The following ZNF624 variants were observed in gnomAD, a reference collection of about 807,000 sequenced individuals.
ZNF624 encodes zinc finger protein 624.
In ZNF624, 43 loss-of-function variants were observed where a neutral mutation model predicts 74.7. The observed-to-expected ratio is 0.58, with a 90% CI of 0.45 to 0.74. The LOEUF (loss-of-function observed/expected upper bound fraction) is 0.74. Ranked by LOEUF, ZNF624 falls within the 30% of genes least tolerant of loss-of-function variation. ZNF624 has a pLI of 0.00. For synonymous variants in ZNF624, 331 were observed against 341.3 expected, an observed-to-expected ratio of 0.97 and a Z score of 0.33; for missense variants, 820 against 1,030.0, an observed-to-expected ratio of 0.80 and a Z score of 2.79.
At chr17:16,624,795 T>C (rs941218184) in intron 5 of ZNF624, 30 of 220,410 alleles carry the variant, frequency 1.4e-4, no homozygotes, top group Non-Finnish European at 2.0e-4. Flanking sequence ...GGTGAGAGAA[T>C]TGCTTGAGCT....
At chr17:16,649,586 G>A (rs1048379636) in intron 2 of ZNF624, 72 bp downstream of exon 2, 12 of 1,392,302 alleles carry the variant, frequency 8.6e-6, no homozygotes, top group South Asian at 2.3e-5. Context: ...TAGAGAAGTC[G>A]CAAGCCTTCA....
chr17:16,623,596 A>G lies in ZNF624; in HGVS notation c.1290T>C (p.Tyr430=), dbSNP rs755042796. Residue 430 remains tyrosine, a synonymous_variant, in exon 6 of 6, where the codon TAT becomes TAC. Transcript: ENST00000311331. This position sits in a 1 kb window ranked among gnomAD's most constrained non-coding sequence, Gnocchi z 5.3. ...DCGKAFRNKS[Y]LSVHQKTHTE... ...TGTGGGTCTTCTGATGTACACTAAG[A>G]TATGACTTGTTCCTAAAGGCTTTCC... 1.2e-6 allele frequency: 2 copies of G among 1,612,252 alleles called. No homozygotes were observed. The highest frequency in any genetic ancestry group is 2.2e-5 in the South Asian group (2 of 90,738).
At chr17:16,617,510 C>T (rs184816411), downstream of ZNF624, 187 of 1,593,590 alleles carry the variant, frequency 1.2e-4, no homozygotes, top group African/African-American at 1.5e-3. Flanking sequence ...TCCTTTAAAT[C>T]TCTCCAACTG....
rs751280603 is a variant in ZNF624 at position 16,622,582 on chromosome 17, T to C, written c.2304A>G (p.Thr768=). The change falls in exon 6 of 6, where the codon ACA becomes ACG. Residue 768 remains threonine, a synonymous_variant. Coordinates refer to ENST00000311331, the MANE Select transcript of ZNF624 (RefSeq NM_020787.4). ...GKAFRRGSYL[T]VHWRTHTGEK... ...CTCCAGTGTGTGTTCTCCAATGCAC[T>C]GTAAGGTAAGAACCCCTCCTGAAGG... 4.3e-6 allele frequency: 7 copies of C among 1,613,524 alleles called. No individual in the cohort carries two copies. In the Admixed American group the frequency reaches 1.0e-4, roughly 23 times the overall value.
At chr17:16,642,112 T>C (rs974231071) in intron 3 of ZNF624, among the ~76,000 whole-genome samples, 4 of 152,284 alleles carry the variant, frequency 2.6e-5, no homozygotes, top group African/African-American at 9.6e-5. Context: ...ATAAGACTTA[T>C]AAAAATTCCA....
intron 1 of ZNF624, 175 bp downstream of exon 1, chr17:16,653,589 G>C (rs762828366): frequency 6.6e-6 from 1 of 152,668 alleles, no homozygotes; most frequent in South Asian, 2.1e-4. Flanking sequence ...GCCAGCTGGA[G>C]ACTGAACCCA....
At chr17:16,617,070 T>C, downstream of ZNF624, 4 of 1,612,188 alleles carry the variant, frequency 2.5e-6, no homozygotes, top group Non-Finnish European at 3.4e-6. Context: ...TGCTTCGATA[T>C]TTCTCATACT....
chr17:16,622,752 T>G lies in ZNF624; in HGVS notation c.2134A>C (p.Asn712His). Residue 712 changes from asparagine (N) to histidine (H), a missense_variant, in exon 6 of 6, where the codon AAT (asparagine) becomes CAT (histidine). Physicochemically the swap from Asn to His is moderately conservative, Grantham distance 68 (BLOSUM62 1). Coordinates refer to ENST00000311331, the MANE Select transcript of ZNF624 (RefSeq NM_020787.4). ...GKVFTSNSGF[N>H]THQRTHTGEK... Reference sequence around the variant, plus strand: ...CCAGTATGTGTTCTTTGATGTGTATTAAAGCCTGAGTTACTTGTGAAAACC... The same window carrying G: ...CCAGTATGTGTTCTTTGATGTGTATGAAAGCCTGAGTTACTTGTGAAAACC... 1 of 1,613,782 alleles carries G rather than the reference T, an allele frequency of 6.2e-7. No individual in the cohort carries two copies. The highest frequency in any genetic ancestry group is 8.5e-7 in the Non-Finnish European group (1 of 1,179,980).
intron 3 of ZNF624, among the ~76,000 whole-genome samples, chr17:16,640,283 A>G (rs1909436654): frequency 6.6e-6 from 1 of 152,148 alleles, no homozygotes; most frequent in African/African-American, 2.4e-5. Flanking sequence ...CTCAGAGGGA[A>G]ATTTATAGCT....
downstream of ZNF624, among the ~76,000 whole-genome samples, chr17:16,620,237 T>C (rs1194013834): frequency 6.6e-6 from 1 of 152,224 alleles, no homozygotes; most frequent in Non-Finnish European, 1.5e-5. Flanking sequence ...ACACAGCTTC[T>C]GGGTTCCCAT....
At chr17:16,630,533 G>A (rs1232233470) in intron 5 of ZNF624, among the ~76,000 whole-genome samples, 4 of 152,080 alleles carry the variant, frequency 2.6e-5, no homozygotes, top group Non-Finnish European at 2.9e-5. Flanking sequence ...CTCCAGCCTG[G>A]GCGACGAGAG....
At chr17:16,646,712 CAAGTT>C (rs1909601556) in intron 3 of ZNF624, among the ~76,000 whole-genome samples, 1 of 152,180 alleles carries the variant, frequency 6.6e-6, no homozygotes, top group Non-Finnish European at 1.5e-5. Flanking sequence ...CAATCTTCTA[CAAGTT>C]AATATCTAAC....
In ZNF624 at chr17:16,634,712, C is replaced by T. The variant is rs1425069808; in HGVS notation, c.198G>A (p.Glu66=). 5.0e-6 allele frequency: 8 copies of T among 1,613,566 alleles called. No individual in the cohort carries two copies. The highest frequency in any genetic ancestry group is 6.8e-6 in the Non-Finnish European group (8 of 1,179,644). ...FKDVAIDFTL[E]EWRLMDPTQR... ...GTGTAGGGTCCATCAACCTCCACTC[C>T]TCCAATGTGAAGTCTATAGCCACAT... The change falls in exon 4 of 6, where the codon GAG becomes GAA. Residue 66 remains glutamate (E), a synonymous_variant. Transcript: ENST00000311331.
At chr17:16,638,146 A>C (rs1175503666) in intron 3 of ZNF624, among the ~76,000 whole-genome samples, 2 of 152,242 alleles carry the variant, frequency 1.3e-5, no homozygotes, top group African/African-American at 4.8e-5. Context: ...GAGAAATGCA[A>C]ATCAAAACCA....
downstream of ZNF624, chr17:16,620,696 T>C (rs570897410): frequency 2.6e-5 from 4 of 152,328 alleles, no homozygotes; most frequent in Admixed American, 2.6e-4. Context: ...GGGTAGGTCC[T>C]GGCACATTGA....
intron 3 of ZNF624, among the ~76,000 whole-genome samples, chr17:16,644,990 A>C (rs1461752368): frequency 1.3e-5 from 2 of 152,232 alleles, no homozygotes; most frequent in African/African-American, 4.8e-5. Context: ...GTCATTTTAC[A>C]TTTAACTTTG....
chr17:16,629,819 A>C (rs4791673), intron 5 of ZNF624, among the ~76,000 whole-genome samples: 35,464 of 152,114 alleles, frequency 0.23, 4,627 homozygotes, highest in East Asian at 0.35. Flanking sequence ...GCCTTGGCCT[A>C]CCAAAGTGCT....
Position 16,622,415 on chromosome 17 carries a change from G to T in ZNF624, c.2471C>A (p.Thr824Asn), listed in dbSNP as rs746880347. The T allele has an allele frequency of 6.2e-7, 1 of 1,613,946 alleles. No homozygotes were observed. Among genetic ancestry groups the T allele is most frequent in the South Asian group, 1.1e-5 (1 of 91,070 alleles). The change falls in exon 6 of 6, where the codon ACT becomes AAT. Residue 824 changes from threonine to asparagine, a missense_variant. Physicochemically the swap from Thr to Asn is moderately conservative, Grantham distance 65 (BLOSUM62 0). Coordinates refer to ENST00000311331, the MANE Select transcript of ZNF624 (RefSeq NM_020787.4). ...TCCAGTATGCATCCTCAAGTGTACA[G>T]TAAAGTCTGAGTTAGTTCTGAAGGC... Reference protein sequence around the residue: ...GKAFRTNSDFTVHLRMHTGEK... With the variant: ...GKAFRTNSDFNVHLRMHTGEK...
At chr17:16,638,414 C>T (rs1829297494) in intron 3 of ZNF624, among the ~76,000 whole-genome samples, 1 of 152,166 alleles carries the variant, frequency 6.6e-6, no homozygotes, top group African/African-American at 2.4e-5. Flanking sequence ...CACATGCACA[C>T]GTATGTTTAC....
Sources: allele counts gnomAD v4.1 joint callset (sites outside exome capture counted in the v4.1 genomes callset), GRCh38; gene constraint gnomAD v4.1.1; non-coding constraint Gnocchi (gnomAD v3.1); transcripts MANE v1.5; gene names NCBI Gene and HGNC (gene_info 2026-07-23, HGNC 2026-07-21).